The following RPL31 variants were observed in gnomAD, a reference collection of about 807,000 sequenced individuals.
RPL31 encodes ribosomal protein L31, also known as large ribosomal subunit protein eL31.
For synonymous variants in RPL31, 51 were observed against 55.0 expected (o/e 0.93, Z 0.32); for missense variants, 95 against 164.0 (o/e 0.58, Z 2.30).
chr2:101,008,232 G>A (rs777101895), downstream of RPL31: 1 of 1,595,576 alleles, frequency 6.3e-7, no homozygotes, highest in African/African-American at 1.3e-5. Flanking sequence ...GATCTTCATG[G>A]AACATACTGT....
chr2:101,002,894 C>A, intron 2 of RPL31, 86 bp downstream of exon 2: 1 of 973,002 alleles, frequency 1.0e-6, no homozygotes, highest in Non-Finnish European at 1.6e-6. Flanking sequence ...CCACCCCAAT[C>A]TTTTCCTCTT....
In RPL31 at chr2:101,007,066, T is replaced by A. The variant is rs1678775308; in HGVS notation, c.*685T>A. 6.6e-6 allele frequency: 1 copy of A among 152,280 alleles called. No homozygotes were observed. Among genetic ancestry groups the A allele is most frequent in the South Asian group, 2.1e-4 (1 of 4,830 alleles). 9.4% of individuals were successfully genotyped at this position (152,280 alleles called of 1,614,324 possible). ...TTAAATGCTGCCATAAAGAGGTCTCTGAAGCCGTAGGGCACACCCAAGGCA... is the reference window on the plus strand; with the variant it reads ...TTAAATGCTGCCATAAAGAGGTCTCAGAAGCCGTAGGGCACACCCAAGGCA... On this transcript the variant is annotated 3_prime_UTR_variant, in exon 5 of 5. Transcript: ENST00000264258.
intron 3 of RPL31, chr2:101,004,729 T>G (rs1678655449): frequency 5.7e-6 from 1 of 175,870 alleles, no homozygotes; most frequent in Non-Finnish European, 1.2e-5. Flanking sequence ...CAGTGTTTTT[T>G]GTCACTACTG....
intron 1 of RPL31, 132 bp from the exon 2 acceptor site, chr2:101,002,570 G>A (rs1678581149): frequency 2.7e-6 from 2 of 728,804 alleles, no homozygotes; most frequent in Admixed American, 5.1e-5. Flanking sequence ...TGGGCCACTG[G>A]GTGACCGACT....
intron 4 of RPL31, chr2:101,018,949 G>A (rs778075128): frequency 6.3e-7 from 1 of 1,599,978 alleles, no homozygotes; most frequent in Non-Finnish European, 8.5e-7. Flanking sequence ...CTCTTCGTCT[G>A]TGTGTTACCT....
At chr2:101,004,030 G>T (rs1678632500) in intron 2 of RPL31, 128 bp from the exon 3 acceptor site, 3 of 1,003,072 alleles carry the variant, frequency 3.0e-6, no homozygotes, top group African/African-American at 3.3e-5. Flanking sequence ...GTAAAAACTT[G>T]GTTTTGTTAC....
At chr2:101,010,987 A>T, downstream of RPL31, 1 of 1,613,138 alleles carries the variant, frequency 6.2e-7, no homozygotes, top group Non-Finnish European at 8.5e-7. Flanking sequence ...TAAATCCTTA[A>T]TCATCTGCTT....
chr2:101,011,282 AC>A (rs1225415103), downstream of RPL31: 1 of 741,406 alleles, frequency 1.3e-6, no homozygotes. Flanking sequence ...ACCCAGCAAC[AC>A]CCCCACTAGG....
At chr2:101,010,779 G>A (rs1268387637), downstream of RPL31, 5 of 607,444 alleles carry the variant, frequency 8.2e-6, no homozygotes, top group Non-Finnish European at 1.4e-5. Context: ...CTACTCAGGA[G>A]GCTGAGGCAG....
Position 101,006,483 on chromosome 2 carries a change from A to C in RPL31, c.*102A>C. On this transcript the variant is annotated 3_prime_UTR_variant, in exon 5 of 5. Transcript: ENST00000264258. Reference sequence around the variant, plus strand: ...TTGTATACCCTATCCTAATTATGGGATCATTTGAAGAGCTTTTCCCAAATT... The same window carrying C: ...TTGTATACCCTATCCTAATTATGGGCTCATTTGAAGAGCTTTTCCCAAATT... 1 of 1,152,968 alleles carries C rather than the reference A, an allele frequency of 8.7e-7. No individual in the cohort carries two copies. The highest frequency in any genetic ancestry group is 1.6e-5 in the South Asian group (1 of 61,670). The allele number at this position is 1,152,968 out of a possible 1,614,324, so 71.4% of individuals were successfully genotyped here.
At chr2:101,003,179 C>A (rs1384743070) in intron 2 of RPL31, among the ~76,000 whole-genome samples, 4 of 152,216 alleles carry the variant, frequency 2.6e-5, no homozygotes, top group African/African-American at 9.7e-5. Context: ...CTTAATCATA[C>A]CGGGCATGCT....
chr2:101,007,569 T>C (rs533229289), downstream of RPL31: 64 of 489,476 alleles, frequency 1.3e-4, no homozygotes, highest in Non-Finnish European at 2.2e-4. Context: ...AGTGCCCATT[T>C]CAGCAAATCC....
In RPL31 at chr2:101,015,918, T is replaced by C. The variant is rs530983217; in HGVS notation, c.347-3080T>C. ...CCTTCCTTACACCTTATACAAAAAT[T>C]AATTCAAGATGGATTAAAGACTTAA... On this transcript the variant is annotated intron_variant, in intron 4 of 4. Transcript: ENST00000409028. Among the ~76,000 whole-genome samples, 67 of 151,844 alleles carry C rather than the reference T, an allele frequency of 4.4e-4. 2 individuals are homozygous for C. In the South Asian group the frequency reaches 0.013, roughly 29 times the overall value.
downstream of RPL31, chr2:101,011,520 C>T: frequency 6.2e-7 from 1 of 1,613,968 alleles, no homozygotes; most frequent in Non-Finnish European, 8.5e-7. Flanking sequence ...GACTGGCTGT[C>T]TCGGTCATTT....
chr2:101,006,156 G>T, intron 4 of RPL31, 85 bp downstream of exon 4: 1 of 1,552,252 alleles, frequency 6.4e-7, no homozygotes, highest in South Asian at 1.2e-5. Context: ...TGTTAAGCTA[G>T]GGGTGACACA....
At chr2:101,007,848 TTG>T, downstream of RPL31, 1 of 1,613,302 alleles carries the variant, frequency 6.2e-7, no homozygotes, top group Non-Finnish European at 8.5e-7. Context: ...TAAGTTCAGA[TTG>T]TGATTGGTGG....
chr2:101,006,046 C>T lies in RPL31; in HGVS notation c.321C>T (p.Thr107=). 1 of 1,613,782 alleles carries T rather than the reference C, an allele frequency of 6.2e-7. No individual in the cohort carries two copies. Among genetic ancestry groups the T allele is most frequent in the Non-Finnish European group, 8.5e-7 (1 of 1,179,880 alleles). The change falls in exon 4 of 5, where the codon ACC becomes ACT. Residue 107 remains threonine (T), a synonymous_variant. Transcript: ENST00000264258. ...DSPNKLYTLV[T]YVPVTTFKNL... The stretch of plus-strand genomic sequence containing the variant: ...CAAATAAGCTATATACTTTGGTTAC[C>T]TATGTACCTGTTACCACTTTCAAAA...
chr2:101,005,852 G>C, intron 3 of RPL31, 107 bp from the exon 4 acceptor site: 1 of 949,142 alleles, frequency 1.1e-6, no homozygotes, highest in South Asian at 1.4e-5. Context: ...TCAGAGTAGA[G>C]CAAAGGACAG....
chr2:101,006,416 T>C lies in RPL31; in HGVS notation c.*35T>C, dbSNP rs760257681. On this transcript the variant is annotated 3_prime_UTR_variant, in exon 5 of 5. Transcript: ENST00000264258. Reference sequence around the variant, plus strand: ...GTCAGATCAAATAAAGTTATAAAATTGCCTTCATGTTTTTGTTCTTTTTAG... The same window carrying C: ...GTCAGATCAAATAAAGTTATAAAATCGCCTTCATGTTTTTGTTCTTTTTAG... The C allele has an allele frequency of 1.9e-6, 3 of 1,597,004 alleles. No individual in the cohort carries two copies. Among genetic ancestry groups the C allele is most frequent in the African/African-American group, 1.3e-5 (1 of 74,144 alleles).
Sources: allele counts gnomAD v4.1 joint callset (sites outside exome capture counted in the v4.1 genomes callset), GRCh38; gene constraint gnomAD v4.1.1; transcripts MANE v1.5; gene names NCBI Gene and HGNC (gene_info 2026-07-23, HGNC 2026-07-21).